Variants in GDPD5 observed in about 807,000 individuals in gnomAD.
GDPD5 encodes glycerophosphodiester phosphodiesterase domain containing 5, also known as glycerophosphodiester phosphodiesterase 2.
A neutral mutation model predicts 75.1 loss-of-function variants in GDPD5; 48 were observed. The ratio of observed to expected loss-of-function variants is 0.64; its 90% confidence interval spans 0.51 to 0.81. The LOEUF (loss-of-function observed/expected upper bound fraction) is 0.81, where lower values mean the gene tolerates loss of function less well. Among genes scored for constraint, GDPD5 ranks in the 40% least tolerant of loss-of-function variants. The pLI is 0.00. For synonymous variants in GDPD5, 336 were observed against 339.0 expected, an observed-to-expected ratio of 0.99 and a Z score of 0.10; for missense variants, 706 against 822.6, an observed-to-expected ratio of 0.86 and a Z score of 1.73.
intron 1 of GDPD5, among the ~76,000 whole-genome samples, chr11:75,495,836 G>C (rs923938853): frequency 6.6e-6 from 1 of 152,144 alleles, no homozygotes; most frequent in African/African-American, 2.4e-5. Flanking sequence ...CTCTCATGTT[G>C]TGGGGCCTAG....
chr11:75,501,327 C>T (rs1396855558), intron 1 of GDPD5, among the ~76,000 whole-genome samples: 1 of 152,234 alleles, frequency 6.6e-6, no homozygotes, highest in Non-Finnish European at 1.5e-5. Flanking sequence ...AGAGGCCCAC[C>T]TCATACTTGT....
intron 10 of GDPD5, 149 bp from the exon 11 acceptor site, chr11:75,443,435 A>G: frequency 1.1e-6 from 1 of 908,618 alleles, no homozygotes; most frequent in South Asian, 1.6e-5. Flanking sequence ...CCATCTGCAC[A>G]GGGAAGACAG....
chr11:75,496,274 C>T (rs1950206803), intron 1 of GDPD5, among the ~76,000 whole-genome samples: 1 of 152,244 alleles, frequency 6.6e-6, no homozygotes, highest in South Asian at 2.1e-4. Flanking sequence ...TTTCCTCAGC[C>T]CCTGACACCT....
In GDPD5 at chr11:75,442,479, C is replaced by T. The variant is rs1565181883; in HGVS notation, c.1051G>A (p.Gly351Ser). ...SLAELLELAK[G>S]NATLLLNLRD... is the part of the protein sequence containing the mutation. ...AGGTTGAGCAGCAGTGTGGCATTGC[C>T]CTTGGCCAGCTCCAGGAGCTCTGCC... The change falls in exon 12 of 17, where the codon GGC becomes AGC. Residue 351 changes from glycine (G) to serine (S), a missense_variant. Gly to Ser is a moderately conservative substitution (Grantham distance 56, BLOSUM62 0). Coordinates refer to ENST00000336898, the MANE Select transcript of GDPD5 (RefSeq NM_030792.8). The T allele has an allele frequency of 2.5e-6, 4 of 1,613,822 alleles. No individual in the cohort carries two copies. Among genetic ancestry groups the T allele is most frequent in the Non-Finnish European group, 3.4e-6 (4 of 1,179,990 alleles).
chr11:75,471,648 T>A (rs981613987), intron 3 of GDPD5, among the ~76,000 whole-genome samples: 2 of 152,054 alleles, frequency 1.3e-5, no homozygotes, highest in Non-Finnish European at 1.5e-5. Context: ...GTGGTGATAG[T>A]CCCCTGGTAA....
intron 1 of GDPD5, among the ~76,000 whole-genome samples, chr11:75,492,011 T>A (rs61897415): frequency 0.055 from 8,337 of 152,170 alleles, 335 homozygotes; most frequent in East Asian, 0.13. Context: ...CATGACTCCA[T>A]CCCAGTGCTC....
intron 4 of GDPD5, among the ~76,000 whole-genome samples, chr11:75,461,752 C>T (rs1203556332): frequency 1.3e-5 from 2 of 152,208 alleles, no homozygotes; most frequent in Non-Finnish European, 2.9e-5. Context: ...ACTTGCTCAT[C>T]GCCATGCTGA....
At chr11:75,510,129 G>A (rs1950484920) in intron 1 of GDPD5, among the ~76,000 whole-genome samples, 1 of 152,242 alleles carries the variant, frequency 6.6e-6, no homozygotes, top group Non-Finnish European at 1.5e-5. Context: ...AGCACGAGGG[G>A]CAAAGTTCCC....
intron 3 of GDPD5, 41 bp from the exon 4 acceptor site, chr11:75,462,930 C>A: frequency 6.5e-7 from 1 of 1,533,640 alleles, no homozygotes; most frequent in Non-Finnish European, 9.0e-7. Flanking sequence ...GGGTCAGGGG[C>A]CAGCCCCTTA....
intron 3 of GDPD5, among the ~76,000 whole-genome samples, chr11:75,476,404 C>T (rs1055116131): frequency 7.3e-5 from 11 of 151,064 alleles, no homozygotes; most frequent in African/African-American, 2.7e-4. Flanking sequence ...TGAGGGAGCT[C>T]ACAGGCAACT....
chr11:75,440,096 G>T, intron 14 of GDPD5, 135 bp from the exon 15 acceptor site: 1 of 645,106 alleles, frequency 1.6e-6, no homozygotes, highest in South Asian at 2.0e-5. Flanking sequence ...GAGGGTCTGG[G>T]GGCTGAAGAT....
rs1246844687 is a variant in GDPD5 at position 75,462,490 on chromosome 11, C to T, written c.221+296G>A. 4.6e-5 allele frequency among the ~76,000 whole-genome samples: 7 copies of T among 152,206 alleles called. No homozygotes were observed. The East Asian group carries it at 5.8e-4, about 13-fold the overall frequency. Reference sequence around the variant, plus strand: ...CCTGAGTTCGCAGTAGGACTCCCCTCGGGGCATGGATCTCTCTGTTTCCTC... The same window carrying T: ...CCTGAGTTCGCAGTAGGACTCCCCTTGGGGCATGGATCTCTCTGTTTCCTC... On this transcript the variant is annotated intron_variant, in intron 4 of 16. Transcript: ENST00000336898.
intron 1 of GDPD5, among the ~76,000 whole-genome samples, chr11:75,504,029 T>G (rs1950345850): frequency 6.6e-6 from 1 of 152,232 alleles, no homozygotes; most frequent in Non-Finnish European, 1.5e-5. Flanking sequence ...GGCCATTGAC[T>G]GGCTGGGTGA....
At chr11:75,497,078 C>T (rs543294861) in intron 1 of GDPD5, among the ~76,000 whole-genome samples, 4 of 152,128 alleles carry the variant, frequency 2.6e-5, no homozygotes, top group South Asian at 4.2e-4. Context: ...CCACCATGTC[C>T]GGCTGCAGTA....
At chr11:75,525,012 G>A (rs1372188968) in intron 1 of GDPD5, among the ~76,000 whole-genome samples, 198 bp downstream of exon 1, 3 of 152,214 alleles carry the variant, frequency 2.0e-5, no homozygotes, top group African/African-American at 7.2e-5. Context: ...CTTAGGCGGG[G>A]CGGGGCGGGG....
intron 1 of GDPD5, among the ~76,000 whole-genome samples, chr11:75,520,939 C>A (rs1249661168): frequency 2.6e-5 from 4 of 152,254 alleles, no homozygotes; most frequent in African/African-American, 9.6e-5. Flanking sequence ...CAGGCCACCA[C>A]CCTCCTTTGG....
Position 75,478,017 on chromosome 11 carries a change from C to G in GDPD5, c.-60-222G>C, listed in dbSNP as rs556119487. On this transcript the variant is annotated intron_variant, in intron 2 of 16. Coordinates refer to ENST00000336898, the MANE Select transcript of GDPD5 (RefSeq NM_030792.8). ...ATCCTCCCTACTCCTTCCCCTCCAG[C>G]CACTCCTGACCTCTTCCATGTTCTT... Among the ~76,000 whole-genome samples the G allele has an allele frequency of 2.0e-5, 3 of 152,354 alleles. No homozygotes were observed. In the South Asian group the frequency reaches 6.2e-4, roughly 32 times the overall value.
At chr11:75,472,096 G>A (rs982231272) in intron 3 of GDPD5, among the ~76,000 whole-genome samples, 6 of 152,088 alleles carry the variant, frequency 3.9e-5, no homozygotes, top group Admixed American at 2.6e-4. Context: ...GGTCTCTTTG[G>A]TACAAGACAG....
chr11:75,469,800 G>C (rs1949617132), intron 3 of GDPD5, among the ~76,000 whole-genome samples: 1 of 152,190 alleles, frequency 6.6e-6, no homozygotes, highest in African/African-American at 2.4e-5. Flanking sequence ...TTCAACTTAT[G>C]GTGTTGGGAC....
Sources: gnomAD v4.1 joint callset for allele counts (sites outside exome capture counted in the v4.1 genomes callset) on GRCh38, gnomAD v4.1.1 for gene constraint, MANE v1.5 for transcripts, NCBI Gene and HGNC (gene_info 2026-07-23, HGNC 2026-07-21) for gene names.